VPS37A: variants seen among roughly 807,000 people sequenced by gnomAD.
The protein encoded by VPS37A is vacuolar protein sorting-associated protein 37A.
A neutral mutation model predicts 49.8 loss-of-function variants in VPS37A; 30 were observed. The observed-to-expected ratio is 0.60, with a 90% confidence interval of 0.45 to 0.82. VPS37A has a LOEUF of 0.82. VPS37A is among the 40% of genes least tolerant of loss of function. The probability of loss-of-function intolerance (pLI) is 0.00; values close to 1 mark genes in which losing one functional copy is unlikely to be tolerated. For synonymous variants in VPS37A, 195 were observed against 160.6 expected, an observed-to-expected ratio of 1.21 and a Z score of -1.62; for missense variants, 593 against 464.4, an observed-to-expected ratio of 1.28 and a Z score of -2.55.
chr8:17,330,340 A>T, the VPS37A span, among the ~76,000 whole-genome samples: 21 of 152,330 alleles, frequency 1.4e-4, no homozygotes, highest in African/African-American at 5.1e-4. Flanking sequence ...CTTTCCCCAG[A>T]AGCGCAGACA....
chr8:17,319,757 AGGCTCCAGTCT>A, the VPS37A span, among the ~76,000 whole-genome samples: 59 of 152,302 alleles, frequency 3.9e-4, no homozygotes, highest in African/African-American at 9.4e-4. Flanking sequence ...TGGTGAGACG[AGGCTCCAGTCT>A]GGCTCCAGTC....
Position 17,261,611 on chromosome 8 carries a change from T to A in VPS37A, c.126-4296T>A, listed in dbSNP as rs898271689. On this transcript the variant is annotated intron_variant, in intron 1 of 11. Coordinates refer to ENST00000324849, the MANE Select transcript of VPS37A (RefSeq NM_152415.3). ...TCTGGCTTGTTTTGGTTTTATTGAATGTATTTGCTTAAAGACTCTTTACTG... is the reference window on the plus strand; with the variant it reads ...TCTGGCTTGTTTTGGTTTTATTGAAAGTATTTGCTTAAAGACTCTTTACTG... 2.0e-5 allele frequency among the ~76,000 whole-genome samples: 3 copies of A among 152,180 alleles called. No individual in the cohort carries two copies. The South Asian group carries it at 6.2e-4, about 32-fold the overall frequency.
the VPS37A span, among the ~76,000 whole-genome samples, chr8:17,308,703 AAAC>A: frequency 4.4e-4 from 67 of 152,304 alleles, no homozygotes; most frequent in African/African-American, 1.5e-3. Context: ...GTGACTCCCA[AAAC>A]AACAGCTTTG....
At chr8:17,310,320 A>G in the VPS37A span, among the ~76,000 whole-genome samples, 3 of 152,282 alleles carry the variant, frequency 2.0e-5, no homozygotes, top group Non-Finnish European at 4.4e-5. Context: ...AAAAGTGTTC[A>G]GTCAAGTAAT....
At chr8:17,253,322 T>C (rs1174025894) in intron 1 of VPS37A, among the ~76,000 whole-genome samples, 1 of 152,220 alleles carries the variant, frequency 6.6e-6, no homozygotes, top group Non-Finnish European at 1.5e-5. Flanking sequence ...CTCCAGCCTT[T>C]TTCCCTCTGC....
chr8:17,283,469 T>TA (rs1241262217), intron 9 of VPS37A, among the ~76,000 whole-genome samples: 4 of 152,310 alleles, frequency 2.6e-5, no homozygotes, highest in South Asian at 2.1e-4. Flanking sequence ...TAGCTATTAT[T>TA]AAAAAATCAT....
At chr8:17,264,493 C>G (rs959740413) in intron 1 of VPS37A, among the ~76,000 whole-genome samples, 2 of 152,122 alleles carry the variant, frequency 1.3e-5, no homozygotes, top group Non-Finnish European at 2.9e-5. Flanking sequence ...ATCGTTTTTT[C>G]TAAGTGATAA....
intron 6 of VPS37A, among the ~76,000 whole-genome samples, chr8:17,277,648 C>T (rs1814644232): frequency 6.6e-6 from 1 of 151,942 alleles, no homozygotes; most frequent in Non-Finnish European, 1.5e-5. Flanking sequence ...TTCCTTTTAA[C>T]CATAACCCCA....
intron 1 of VPS37A, among the ~76,000 whole-genome samples, chr8:17,259,551 A>G (rs906981220): frequency 2.0e-5 from 3 of 152,144 alleles, no homozygotes; most frequent in Admixed American, 1.3e-4. Context: ...TTCTGCAGCA[A>G]TTGAGTGCAG....
Position 17,280,520 on chromosome 8 carries a change from C to T in VPS37A, c.969+77C>T. 2.3e-6 allele frequency: 3 copies of T among 1,322,586 alleles called. No individual in the cohort carries two copies. The South Asian group carries it at 4.4e-5, about 19-fold the overall frequency. 81.9% of individuals were successfully genotyped at this position (1,322,586 alleles called of 1,614,324 possible). A position where few individuals can be genotyped will look rare whatever the true frequency, so the allele number is the denominator to read the frequency against. On this transcript the variant is annotated intron_variant, in intron 9 of 11. Coordinates refer to ENST00000324849, the MANE Select transcript of VPS37A (RefSeq NM_152415.3). Reference sequence around the variant, plus strand: ...TGTGCATGAGTCCTGATCTCACTTTCATTATCATCAGAAACCATTTATGAG... The same window carrying T: ...TGTGCATGAGTCCTGATCTCACTTTTATTATCATCAGAAACCATTTATGAG...
intron 1 of VPS37A, among the ~76,000 whole-genome samples, chr8:17,250,058 G>C (rs1032640065): frequency 4.6e-5 from 7 of 152,200 alleles, no homozygotes; most frequent in African/African-American, 1.7e-4. Flanking sequence ...CATATGGAGT[G>C]AGGGTCTTCA....
chr8:17,313,364 C>T, the VPS37A span: 1 of 1,612,780 alleles, frequency 6.2e-7, no homozygotes, highest in Non-Finnish European at 8.5e-7. Context: ...CCAGACCCCA[C>T]AGGAAATCAC....
chr8:17,265,379 A>T (rs1813349099), intron 1 of VPS37A, among the ~76,000 whole-genome samples: 1 of 152,226 alleles, frequency 6.6e-6, no homozygotes, highest in African/African-American at 2.4e-5. Context: ...GAACATTGCT[A>T]CCCAGAATAA....
At chr8:17,307,770 G>A in the VPS37A span, among the ~76,000 whole-genome samples, 1 of 152,040 alleles carries the variant, frequency 6.6e-6, no homozygotes, top group East Asian at 1.9e-4. Flanking sequence ...ATCATTCTCA[G>A]CAAACTATCG....
chr8:17,266,668 C>G (rs1813488935), intron 2 of VPS37A, among the ~76,000 whole-genome samples: 2 of 152,178 alleles, frequency 1.3e-5, no homozygotes, highest in Non-Finnish European at 2.9e-5. Flanking sequence ...TTCACGTTCT[C>G]CTTGCCAGCA....
intron 11 of VPS37A, 38 bp downstream of exon 11, chr8:17,286,465 C>T: frequency 6.4e-7 from 1 of 1,566,470 alleles, no homozygotes; most frequent in Non-Finnish European, 8.8e-7. Context: ...AAGGTGATTG[C>T]ATCAGTGTTC....
chr8:17,275,236 C>A (rs1814405872), intron 5 of VPS37A, among the ~76,000 whole-genome samples: 1 of 152,100 alleles, frequency 6.6e-6, no homozygotes, highest in Non-Finnish European at 1.5e-5. Flanking sequence ...AGTAGATCGC[C>A]TTTACAAAAA....
At chr8:17,272,911 T>C (rs1190817140) in intron 4 of VPS37A, among the ~76,000 whole-genome samples, 1 of 152,044 alleles carries the variant, frequency 6.6e-6, no homozygotes, top group African/African-American at 2.4e-5. Flanking sequence ...AAGTTATTTG[T>C]TTGGGTTTGT....
chr8:17,271,738 G>A (rs1214472752), intron 4 of VPS37A, among the ~76,000 whole-genome samples: 3 of 152,184 alleles, frequency 2.0e-5, no homozygotes, highest in Non-Finnish European at 2.9e-5. Flanking sequence ...ATGTCTTTAA[G>A]ATTCTTTGAA....
Sources: gnomAD v4.1 joint callset for allele counts (sites outside exome capture counted in the v4.1 genomes callset) on GRCh38, gnomAD v4.1.1 for gene constraint, MANE v1.5 for transcripts, NCBI Gene and HGNC (gene_info 2026-07-23, HGNC 2026-07-21) for gene names.